The following IFT56 variants were observed in gnomAD, a reference collection of about 807,000 sequenced individuals.
IFT56 encodes the protein intraflagellar transport protein 56.
At chr7:139,178,656 T>C in the IFT56 span, 1 of 1,459,970 alleles carries the variant, frequency 6.8e-7, no homozygotes, top group African/African-American at 1.4e-5. Context: ...TCCTTATCTT[T>C]TTCTCACTGG....
the IFT56 span, chr7:139,161,040 G>A: frequency 1.6e-5 from 26 of 1,608,550 alleles, no homozygotes; most frequent in Middle Eastern, 1.6e-4. Context: ...ACGATTTCCC[G>A]TCTTGACTGA....
the IFT56 span, among the ~76,000 whole-genome samples, chr7:139,145,014 C>T: frequency 6.6e-6 from 1 of 151,994 alleles, no homozygotes; most frequent in Admixed American, 6.6e-5. Flanking sequence ...AGAGATAATT[C>T]GAGTCTCTGG....
the IFT56 span, among the ~76,000 whole-genome samples, chr7:139,161,725 T>C: frequency 4.1e-4 from 62 of 152,344 alleles, no homozygotes; most frequent in African/African-American, 1.4e-3. Flanking sequence ...CTTCTCTTTA[T>C]CTCCAATCTC....
the IFT56 span, among the ~76,000 whole-genome samples, chr7:139,144,742 G>A: frequency 5.3e-5 from 8 of 151,210 alleles, no homozygotes; most frequent in Non-Finnish European, 8.9e-5. Flanking sequence ...TATCTATTTC[G>A]TTCTTAATTT....
the IFT56 span, chr7:139,173,060 C>T: frequency 1.4e-6 from 1 of 732,718 alleles, no homozygotes; most frequent in South Asian, 1.4e-5. Context: ...TCCAACTCAG[C>T]TTTGCGCCTT....
chr7:139,183,585 G>A, the IFT56 span, among the ~76,000 whole-genome samples: 1 of 151,912 alleles, frequency 6.6e-6, no homozygotes, highest in African/African-American at 2.4e-5. Flanking sequence ...GACATCTATT[G>A]AGAGAGTGGA....
chr7:139,188,850 G>A, the IFT56 span, among the ~76,000 whole-genome samples: 1 of 152,028 alleles, frequency 6.6e-6, no homozygotes, highest in African/African-American at 2.4e-5. Context: ...CTTTGGCTTT[G>A]TAAAATTTTA....
the IFT56 span, among the ~76,000 whole-genome samples, chr7:139,158,381 C>G: frequency 1.3e-5 from 2 of 150,036 alleles, no homozygotes; most frequent in African/African-American, 5.0e-5. Context: ...AAAGGAAAAG[C>G]TTTTGATGAT....
the IFT56 span, among the ~76,000 whole-genome samples, chr7:139,188,537 C>T: frequency 6.6e-6 from 1 of 152,174 alleles, no homozygotes; most frequent in East Asian, 1.9e-4. Context: ...TCAAAAATTA[C>T]TTCCTACCTT....
At chr7:139,189,503 A>C in the IFT56 span, 1 of 1,056,276 alleles carries the variant, frequency 9.5e-7, no homozygotes. Flanking sequence ...ACTCCAGTTT[A>C]ATCTGTGATA....
At chr7:139,157,461 T>C in the IFT56 span, among the ~76,000 whole-genome samples, 1 of 151,358 alleles carries the variant, frequency 6.6e-6, no homozygotes, top group Non-Finnish European at 1.5e-5. Context: ...CTTTAAGTTC[T>C]TTTAGTCAGG....
chr7:139,162,817 G>A, the IFT56 span, among the ~76,000 whole-genome samples: 2 of 151,946 alleles, frequency 1.3e-5, no homozygotes, highest in Admixed American at 1.3e-4. Flanking sequence ...AAATTAGCAG[G>A]GTGTGGTGGC....
At chr7:139,157,495 A>ATTT in the IFT56 span, among the ~76,000 whole-genome samples, 12 of 82,418 alleles carry the variant, frequency 1.5e-4, no homozygotes, top group African/African-American at 3.7e-4. Flanking sequence ...TTTGTATTGG[A>ATTT]TTTTTTTTTT....
At chr7:139,142,169 G>A in the IFT56 span, 7 of 1,398,204 alleles carry the variant, frequency 5.0e-6, no homozygotes, top group Non-Finnish European at 7.1e-6. Context: ...TAAGGTTTGG[G>A]AAGATTCATC....
At chr7:139,133,902 C>G in the IFT56 span, 1 of 1,613,856 alleles carries the variant, frequency 6.2e-7, no homozygotes, top group Admixed American at 1.7e-5. Flanking sequence ...TGAGTAGGTC[C>G]TGAGGCTGGC....
the IFT56 span, among the ~76,000 whole-genome samples, chr7:139,136,834 A>G: frequency 1.3e-5 from 2 of 152,320 alleles, no homozygotes; most frequent in South Asian, 2.1e-4. Flanking sequence ...CTGCATGGGA[A>G]TGGAAACTGC....
the IFT56 span, among the ~76,000 whole-genome samples, chr7:139,183,415 C>T: frequency 6.6e-6 from 1 of 152,060 alleles, no homozygotes; most frequent in Non-Finnish European, 1.5e-5. Context: ...TACAGGTTTT[C>T]TTATCTTCCT....
chr7:139,148,378 G>T, the IFT56 span: 2 of 1,604,402 alleles, frequency 1.2e-6, no homozygotes, highest in African/African-American at 2.7e-5. Flanking sequence ...AGCAGCTGAG[G>T]TATTGATGGA....
chr7:139,165,006 A>G, the IFT56 span: 8 of 612,498 alleles, frequency 1.3e-5, no homozygotes, highest in South Asian at 5.5e-5. Flanking sequence ...CAATATATCA[A>G]CTGATTCCCA....
Sources: allele counts gnomAD v4.1 joint callset (sites outside exome capture counted in the v4.1 genomes callset), GRCh38; gene constraint gnomAD v4.1.1; transcripts MANE v1.5; gene names NCBI Gene and HGNC (gene_info 2026-07-23, HGNC 2026-07-21).